The following PXDNL variants were observed in gnomAD, a reference collection of about 807,000 sequenced individuals.
PXDNL encodes the protein peroxidasin like.
Under a neutral mutation model 150.8 loss-of-function variants are expected in PXDNL, and 145 were observed. The ratio of observed to expected loss-of-function variants is 0.96; its 90% CI spans 0.84 to 1.10. The LOEUF is 1.10. Ranked by LOEUF, PXDNL falls within the 50% of genes least tolerant of loss-of-function variation. The pLI is 0.00. For synonymous variants in PXDNL, 757 were observed against 725.7 expected (o/e 1.04, Z -0.69); for missense variants, 2,087 against 1,873.9 (o/e 1.11, Z -2.10).
At chr8:51,467,959 C>T (rs1281423270) in intron 8 of PXDNL, among the ~76,000 whole-genome samples, 5 of 151,914 alleles carry the variant, frequency 3.3e-5, no homozygotes, top group South Asian at 2.1e-4. Context: ...TACTGAGAGA[C>T]GTAAAGAATC....
intron 21 of PXDNL, among the ~76,000 whole-genome samples, chr8:51,331,664 G>A (rs568013326): frequency 9.9e-5 from 15 of 152,180 alleles, no homozygotes; most frequent in African/African-American, 2.6e-4. Flanking sequence ...GAATGGGACC[G>A]GCCCTTCGGT....
intron 4 of PXDNL, among the ~76,000 whole-genome samples, chr8:51,502,158 G>T (rs1202688494): frequency 6.6e-6 from 1 of 152,220 alleles, no homozygotes; most frequent in African/African-American, 2.4e-5. Context: ...ACACTGTGTG[G>T]TAGGTTCTAT....
chr8:51,777,928 C>CA (rs2037370029), intron 1 of PXDNL, among the ~76,000 whole-genome samples: 1 of 151,338 alleles, frequency 6.6e-6, no homozygotes, highest in South Asian at 2.1e-4. Flanking sequence ...ACAACAACAA[C>CA]AAAAAAGTTA....
At chr8:51,374,862 C>T in intron 17 of PXDNL, 131 bp from the exon 18 acceptor site, 3 of 1,101,366 alleles carry the variant, frequency 2.7e-6, no homozygotes, top group South Asian at 3.3e-5. Context: ...TTACTGTATT[C>T]TCATTTCATG....
chr8:51,706,292 G>C (rs1253903257), intron 1 of PXDNL, among the ~76,000 whole-genome samples: 4 of 151,894 alleles, frequency 2.6e-5, no homozygotes, highest in East Asian at 1.9e-4. Flanking sequence ...TGCACTCCAG[G>C]CTGGGTGATA....
chr8:51,377,795 TC>T (rs976363400), intron 17 of PXDNL, among the ~76,000 whole-genome samples: 11 of 152,092 alleles, frequency 7.2e-5, no homozygotes, highest in Admixed American at 6.5e-4. Flanking sequence ...TGCCTGAGCC[TC>T]CCCCACACCG....
At chr8:51,329,228 C>A (rs1805608165) in intron 21 of PXDNL, among the ~76,000 whole-genome samples, 1 of 152,154 alleles carries the variant, frequency 6.6e-6, no homozygotes, top group Non-Finnish European at 1.5e-5. Context: ...CAACAGGATG[C>A]CAGCATAATA....
intron 1 of PXDNL, among the ~76,000 whole-genome samples, chr8:51,673,562 T>C (rs1815544650): frequency 6.6e-6 from 1 of 152,070 alleles, no homozygotes; most frequent in Admixed American, 6.5e-5. Flanking sequence ...ATCAGGAAAA[T>C]GAATGACCTT....
chr8:51,704,308 G>T (rs1816318840), intron 1 of PXDNL, among the ~76,000 whole-genome samples: 5 of 152,182 alleles, frequency 3.3e-5, no homozygotes, highest in Admixed American at 3.3e-4. Flanking sequence ...GTGGATGTGT[G>T]TAGTAGCAGT....
intron 17 of PXDNL, among the ~76,000 whole-genome samples, chr8:51,400,649 T>C (rs955475884): frequency 4.6e-5 from 7 of 152,184 alleles, no homozygotes; most frequent in Non-Finnish European, 7.4e-5. Context: ...TGCTCAGGCA[T>C]GTGTGTCTTC....
intron 5 of PXDNL, among the ~76,000 whole-genome samples, chr8:51,486,173 A>T (rs896303409): frequency 1.5e-4 from 23 of 152,220 alleles, no homozygotes; most frequent in Non-Finnish European, 2.2e-4. Flanking sequence ...TCTATTTTCC[A>T]ATCCAAGCAG....
intron 17 of PXDNL, among the ~76,000 whole-genome samples, chr8:51,382,622 T>C (rs1266261097): frequency 3.9e-5 from 6 of 152,150 alleles, no homozygotes; most frequent in Non-Finnish European, 8.8e-5. Flanking sequence ...GTACAGCAGT[T>C]TTAGGTTCAC....
At chr8:51,371,751 G>A (rs1418398165) in intron 19 of PXDNL, 122 bp downstream of exon 19, 1 of 906,540 alleles carries the variant, frequency 1.1e-6, no homozygotes, top group African/African-American at 1.6e-5. Context: ...CAAAAGGAAA[G>A]TTCTGTGTTG....
chr8:51,437,520 A>C (rs1022764238), intron 12 of PXDNL, among the ~76,000 whole-genome samples: 26 of 152,236 alleles, frequency 1.7e-4, no homozygotes, highest in Admixed American at 2.0e-4. Context: ...CCAGGGATGC[A>C]CAGATGGTTT....
chr8:51,739,851 G>A (rs990695466), intron 1 of PXDNL, among the ~76,000 whole-genome samples: 13 of 129,068 alleles, frequency 1.0e-4, no homozygotes, highest in African/African-American at 3.5e-4. Flanking sequence ...ACTCCAGCCT[G>A]AGAAAAAGAG....
chr8:51,708,253 G>C (rs117117690), intron 1 of PXDNL, among the ~76,000 whole-genome samples: 1 of 152,232 alleles, frequency 6.6e-6, no homozygotes, highest in Admixed American at 6.5e-5. Context: ...GAATGACAGA[G>C]AAGGGCACCT....
At chr8:51,436,059 A>T in intron 12 of PXDNL, 1 of 519,464 alleles carries the variant, frequency 1.9e-6, no homozygotes, top group Non-Finnish European at 3.9e-6. Flanking sequence ...GCCTAGCTGA[A>T]CTACAGATGA....
intron 1 of PXDNL, among the ~76,000 whole-genome samples, chr8:51,779,722 C>T (rs1365003114): frequency 6.6e-6 from 1 of 152,190 alleles, no homozygotes; most frequent in Non-Finnish European, 1.5e-5. Context: ...CAGAAGGCTG[C>T]CACATAATAG....
chr8:51,418,223 T>C (rs1476019363), intron 14 of PXDNL, among the ~76,000 whole-genome samples: 2 of 152,304 alleles, frequency 1.3e-5, no homozygotes, highest in African/African-American at 2.4e-5. Context: ...TCCCCACTCA[T>C]TGTATTATTA....
Sources: gnomAD v4.1 joint callset for allele counts (sites outside exome capture counted in the v4.1 genomes callset) on GRCh38, gnomAD v4.1.1 for gene constraint, MANE v1.5 for transcripts, NCBI Gene and HGNC (gene_info 2026-07-23, HGNC 2026-07-21) for gene names.